The following THSD4 variants were observed in gnomAD, a reference collection of about 807,000 sequenced individuals.
THSD4 encodes thrombospondin type 1 domain containing 4, also known as thrombospondin type-1 domain-containing protein 4.
THSD4 carries 69 observed loss-of-function variants against 119.0 expected under a neutral mutation model. The ratio of observed to expected loss-of-function variants is 0.58; its 90% confidence interval spans 0.48 to 0.71. The LOEUF (loss-of-function observed/expected upper bound fraction) is 0.71, where lower values mean the gene tolerates loss of function less well. THSD4 is among the 30% of genes least tolerant of loss of function. The pLI is 0.00. For synonymous variants in THSD4, 524 were observed against 540.4 expected (o/e 0.97, Z 0.42); for missense variants, 1,393 against 1,391.1 (o/e 1.00, Z -0.02).
Position 71,215,347 on chromosome 15 carries a change from C to G in THSD4, c.412C>G (p.Arg138Gly), listed in dbSNP as rs1244439219. Residue 138 changes from arginine (R) to glycine (G), a missense_variant, in exon 4 of 18, where the codon CGA becomes GGA. By Grantham distance (125) the Arg-to-Gly change is moderately radical. Transcript: ENST00000261862. ...CAGCCGCCAGGGCCCCACGGTGCTG[C>G]GAGGCAGCCGGCACCCACAGCCCCA... The part of the protein sequence containing the change: ...DASRQGPTVL[R>G]GSRHPQPQGL... The G allele has an allele frequency of 1.3e-6, 2 of 1,532,046 alleles. No homozygotes were observed. The highest frequency in any genetic ancestry group is 3.9e-5 in the Admixed American group (2 of 50,862). The allele number at this position is 1,532,046 out of a possible 1,614,324, so 94.9% of individuals were successfully genotyped here. A position where few individuals can be genotyped will look rare whatever the true frequency, so the allele number is the denominator to read the frequency against.
chr15:71,274,669 A>G (rs62015477), intron 6 of THSD4, among the ~76,000 whole-genome samples: 24,736 of 152,176 alleles, frequency 0.16, 2,381 homozygotes, highest in Middle Eastern at 0.29. Context: ...AAGAGGAAGG[A>G]GAATGCAGGA....
At chr15:71,628,761 C>A (rs369251262) in intron 7 of THSD4, among the ~76,000 whole-genome samples, 1 of 152,224 alleles carries the variant, frequency 6.6e-6, no homozygotes, top group Non-Finnish European at 1.5e-5. Context: ...TTTGGTGACT[C>A]TTCCCCAGGT....
rs537045410 is a variant in THSD4, at chr15:71,557,619, G to A, written c.1153-102911G>A. Among the ~76,000 whole-genome samples, 15 of 152,200 alleles carry A rather than the reference G, an allele frequency of 9.9e-5. No homozygotes were observed. In the East Asian group the frequency reaches 2.7e-3, roughly 27 times the overall value. ...GCCTGATGTGTTTTTCCCCCACAGGGAAATTTTAAACCACCAGTTATTTTT... is the reference window on the plus strand; with the variant it reads ...GCCTGATGTGTTTTTCCCCCACAGGAAAATTTTAAACCACCAGTTATTTTT... On this transcript the variant is annotated intron_variant, in intron 7 of 17. Transcript: ENST00000261862.
chr15:71,214,259 A>AGTCCCTCCAGTCCCTCCC (rs1230180743), intron 3 of THSD4, among the ~76,000 whole-genome samples: 1 of 152,216 alleles, frequency 6.6e-6, no homozygotes, highest in Non-Finnish European at 1.5e-5. Context: ...CACTCCCTCC[A>AGTCCCTCCAGTCCCTCCC]GTCCCTCCAG....
chr15:71,352,232 C>T (rs1000931019), intron 6 of THSD4, among the ~76,000 whole-genome samples: 2 of 152,176 alleles, frequency 1.3e-5, no homozygotes, highest in African/African-American at 4.8e-5. Flanking sequence ...CTGAAGCTTC[C>T]AGGACCGTCA....
At chr15:71,118,768 A>C (rs537881348) in intron 1 of THSD4, among the ~76,000 whole-genome samples, 61 of 152,362 alleles carry the variant, frequency 4.0e-4, no homozygotes, top group Non-Finnish European at 6.3e-4. Context: ...AAATGGATTA[A>C]AAATGTTATG....
chr15:71,516,373 A>G (rs2048361602), intron 7 of THSD4, among the ~76,000 whole-genome samples: 1 of 152,116 alleles, frequency 6.6e-6, no homozygotes, highest in Non-Finnish European at 1.5e-5. Flanking sequence ...TCACCTCTGC[A>G]ACAACCTCAC....
intron 7 of THSD4, among the ~76,000 whole-genome samples, chr15:71,531,892 T>C (rs750454293): frequency 2.6e-5 from 4 of 152,160 alleles, no homozygotes; most frequent in Admixed American, 6.5e-5. Flanking sequence ...TGCATTAGAA[T>C]CCCTTGTGAA....
At chr15:71,173,722 G>C (rs1225464243) in intron 3 of THSD4, among the ~76,000 whole-genome samples, 1 of 151,748 alleles carries the variant, frequency 6.6e-6, no homozygotes, top group Admixed American at 6.6e-5. Context: ...AGATAATCTT[G>C]AAAAAATAAC....
At chr15:71,143,356 C>T (rs1191716565) in intron 2 of THSD4, among the ~76,000 whole-genome samples, 2 of 152,012 alleles carry the variant, frequency 1.3e-5, no homozygotes, top group Admixed American at 6.6e-5. Context: ...TTCCAAAATA[C>T]TGTTATAAAA....
At chr15:71,595,727 T>C (rs373271224) in intron 7 of THSD4, among the ~76,000 whole-genome samples, 2 of 152,180 alleles carry the variant, frequency 1.3e-5, no homozygotes, top group East Asian at 1.9e-4. Flanking sequence ...CTTGAATTAT[T>C]GAGCAGAAGA....
intron 17 of THSD4, among the ~76,000 whole-genome samples, chr15:71,774,331 C>T (rs1306203431): frequency 6.9e-6 from 1 of 145,452 alleles, no homozygotes. Flanking sequence ...AAAAAAACTA[C>T]AAGAGGCTGA....
chr15:71,571,264 ATCTTGAATTCTTACAAGTTAGCCGGGTC>A (rs1406503342), intron 7 of THSD4, among the ~76,000 whole-genome samples: 2 of 151,760 alleles, frequency 1.3e-5, no homozygotes, highest in Non-Finnish European at 2.9e-5. Flanking sequence ...ACATGGACAC[ATCTTGAATTCTTACAAGTTAGCCGGGTC>A]TCAGTGAAAG....
chr15:71,584,927 A>C (rs2049635862), intron 7 of THSD4, among the ~76,000 whole-genome samples: 3 of 152,262 alleles, frequency 2.0e-5, no homozygotes, highest in Admixed American at 2.0e-4. Context: ...ATAATAGTCT[A>C]TTTTAAGCCG....
At chr15:71,121,566 A>G (rs894017760) in intron 1 of THSD4, among the ~76,000 whole-genome samples, 4 of 151,982 alleles carry the variant, frequency 2.6e-5, no homozygotes, top group Admixed American at 1.3e-4. Context: ...CTCCAGCTCC[A>G]TGGTTTCCAG....
intron 7 of THSD4, among the ~76,000 whole-genome samples, chr15:71,442,340 A>G (rs1041741781): frequency 6.6e-6 from 1 of 151,252 alleles, no homozygotes; most frequent in African/African-American, 2.4e-5. Flanking sequence ...AGGCCAAGCC[A>G]GGCAGATCAC....
In THSD4 at chr15:71,596,174, T is replaced by G. The variant is rs537862249; in HGVS notation, c.1153-64356T>G. Reference sequence around the variant, plus strand: ...ACATGTCTTTAGAGGAATCACTGTCTGTGGTGGTTGAGTGAAATGTTGGGG... The same window carrying G: ...ACATGTCTTTAGAGGAATCACTGTCGGTGGTGGTTGAGTGAAATGTTGGGG... On this transcript the variant is annotated intron_variant, in intron 7 of 17. Coordinates refer to ENST00000261862, the MANE Select transcript of THSD4 (RefSeq NM_024817.3). Among the ~76,000 whole-genome samples the G allele has an allele frequency of 8.5e-5, 13 of 152,354 alleles. No homozygotes were observed. The South Asian group carries it at 2.7e-3, about 32-fold the overall frequency.
chr15:71,456,855 C>G (rs552936369), intron 7 of THSD4, among the ~76,000 whole-genome samples: 2 of 152,160 alleles, frequency 1.3e-5, no homozygotes, highest in Non-Finnish European at 2.9e-5. Flanking sequence ...AGTGTTATTT[C>G]AGCTCAAGAT....
intron 7 of THSD4, among the ~76,000 whole-genome samples, chr15:71,543,989 T>C (rs992036950): frequency 3.3e-5 from 5 of 152,016 alleles, no homozygotes; most frequent in African/African-American, 1.2e-4. Flanking sequence ...GGTTGCACCA[T>C]TGCACTCCAG....
Sources: allele counts gnomAD v4.1 joint callset (sites outside exome capture counted in the v4.1 genomes callset), GRCh38; gene constraint gnomAD v4.1.1; transcripts MANE v1.5; gene names NCBI Gene and HGNC (gene_info 2026-07-23, HGNC 2026-07-21).